The following EXOC6B variants were observed in gnomAD, a reference collection of about 807,000 sequenced individuals.
EXOC6B encodes the protein SEC15 homolog B.
EXOC6B carries 54 observed loss-of-function variants against 113.5 expected under a neutral mutation model. That is an observed-to-expected ratio of 0.48 (90% CI 0.38 to 0.60). The LOEUF (loss-of-function observed/expected upper bound fraction) is 0.60. Ranked by LOEUF, EXOC6B falls within the 20% of genes least tolerant of loss-of-function variation. The pLI is 0.00. For missense variants in EXOC6B, 797 were observed against 977.5 expected, an observed-to-expected ratio of 0.82 and a Z score of 2.46; for synonymous variants, 357 against 339.0, an observed-to-expected ratio of 1.05 and a Z score of -0.58.
At chr2:72,421,363 G>C (rs984684411) in intron 18 of EXOC6B, among the ~76,000 whole-genome samples, 8 of 152,114 alleles carry the variant, frequency 5.3e-5, no homozygotes, top group African/African-American at 1.9e-4. Flanking sequence ...TCCAAATTAG[G>C]TGAGAAGAGT....
chr2:72,515,357 C>T, intron 8 of EXOC6B: 9 of 1,070,288 alleles, frequency 8.4e-6, no homozygotes, highest in Non-Finnish European at 1.1e-5. Context: ...AAGGAACCTA[C>T]CAGAACTTAA....
chr2:72,700,806 C>G (rs1196234170), intron 6 of EXOC6B, among the ~76,000 whole-genome samples: 2 of 152,118 alleles, frequency 1.3e-5, no homozygotes. Flanking sequence ...CAAAAATTAG[C>G]CAGGCATGAT....
At chr2:72,349,319 C>T (rs1018190429) in intron 19 of EXOC6B, among the ~76,000 whole-genome samples, 4 of 152,082 alleles carry the variant, frequency 2.6e-5, no homozygotes, top group African/African-American at 7.2e-5. Context: ...TTATTTATAA[C>T]GAGCTCCTTT....
intron 1 of EXOC6B, among the ~76,000 whole-genome samples, chr2:72,804,494 A>G (rs1338169235): frequency 6.6e-6 from 1 of 152,204 alleles, no homozygotes; most frequent in Non-Finnish European, 1.5e-5. Flanking sequence ...AAACAACAGC[A>G]CCAGAAATAA....
chr2:72,315,052 C>T (rs935098887), intron 20 of EXOC6B, among the ~76,000 whole-genome samples: 5 of 151,988 alleles, frequency 3.3e-5, no homozygotes, highest in Non-Finnish European at 7.4e-5. Context: ...AATTTTGCTT[C>T]GGTTATGGTT....
chr2:72,825,950 C>G lies in EXOC6B; in HGVS notation c.-40G>C. On this transcript the variant is annotated 5_prime_UTR_variant, in exon 1 of 22. Transcript: ENST00000272427. The surrounding 1 kb of genome is among the most constrained non-coding windows in gnomAD (Gnocchi z 4.4). ...CCGCAGCGCGTCCCCTCCGTCGGCTCGGCTCACCTTTTCCCTGCCCCACAA... is the reference window on the plus strand; with the variant it reads ...CCGCAGCGCGTCCCCTCCGTCGGCTGGGCTCACCTTTTCCCTGCCCCACAA... The G allele has an allele frequency of 6.2e-7, 1 of 1,605,274 alleles. No individual in the cohort carries two copies. The highest frequency in any genetic ancestry group is 8.5e-7 in the Non-Finnish European group (1 of 1,178,216).
intron 18 of EXOC6B, among the ~76,000 whole-genome samples, chr2:72,400,641 G>C (rs1693073069): frequency 6.8e-6 from 1 of 146,796 alleles, no homozygotes; most frequent in Non-Finnish European, 1.5e-5. Context: ...GACATGAGCA[G>C]ACAATTCTCA....
intron 6 of EXOC6B, among the ~76,000 whole-genome samples, chr2:72,654,578 T>C (rs906864189): frequency 4.6e-5 from 7 of 152,218 alleles, no homozygotes; most frequent in African/African-American, 1.7e-4. Flanking sequence ...AACAACTAAG[T>C]GTCTTTTTTT....
At chr2:72,548,274 C>T (rs1031616269) in intron 8 of EXOC6B, among the ~76,000 whole-genome samples, 11 of 152,166 alleles carry the variant, frequency 7.2e-5, no homozygotes, top group Non-Finnish European at 1.5e-4. Flanking sequence ...ATCTGACCTC[C>T]TGTTACAATA....
At chr2:72,457,139 A>G (rs1027511204) in intron 18 of EXOC6B, among the ~76,000 whole-genome samples, 4 of 152,054 alleles carry the variant, frequency 2.6e-5, no homozygotes, top group African/African-American at 9.7e-5. Context: ...ACAGAAAGGT[A>G]GTTTAAGGTC....
At chr2:72,658,334 T>C (rs1198299791) in intron 6 of EXOC6B, among the ~76,000 whole-genome samples, 1 of 125,254 alleles carries the variant, frequency 8.0e-6, no homozygotes, top group African/African-American at 2.9e-5. Flanking sequence ...CTTAACAATG[T>C]AACAACCAAA....
At chr2:72,514,824 A>G in intron 9 of EXOC6B, 144 bp from the exon 10 acceptor site, 1 of 648,252 alleles carries the variant, frequency 1.5e-6, no homozygotes, top group Non-Finnish European at 2.7e-6. Context: ...CTACCAATGA[A>G]GAGGAAATAT....
intron 18 of EXOC6B, among the ~76,000 whole-genome samples, chr2:72,438,334 G>A (rs1696000879): frequency 6.6e-6 from 1 of 152,032 alleles, no homozygotes; most frequent in Admixed American, 6.6e-5. Flanking sequence ...AAGTTGGCTG[G>A]GCATAGTGGC....
chr2:72,215,753 T>C (rs1680488408), intron 20 of EXOC6B, among the ~76,000 whole-genome samples: 1 of 152,104 alleles, frequency 6.6e-6, no homozygotes, highest in Non-Finnish European at 1.5e-5. Context: ...ATAGACTTCA[T>C]TGTTCATAAG....
At chr2:72,627,812 C>G (rs1237204439) in intron 6 of EXOC6B, among the ~76,000 whole-genome samples, 4 of 152,212 alleles carry the variant, frequency 2.6e-5, no homozygotes, top group African/African-American at 9.6e-5. Context: ...AGGCAGGACT[C>G]AAACTCCTGG....
intron 20 of EXOC6B, among the ~76,000 whole-genome samples, chr2:72,217,087 A>G (rs1429410599): frequency 2.0e-5 from 3 of 151,802 alleles, no homozygotes; most frequent in Admixed American, 6.6e-5. Flanking sequence ...AGCCTGAACC[A>G]AGGTATTCTC....
intron 20 of EXOC6B, among the ~76,000 whole-genome samples, chr2:72,193,901 GTAAA>G (rs1446880398): frequency 6.6e-6 from 1 of 152,190 alleles, no homozygotes; most frequent in Admixed American, 6.5e-5. Flanking sequence ...ACCACCTGTT[GTAAA>G]TAAAGTTTTG....
chr2:72,589,028 A>G (rs1385258404), intron 6 of EXOC6B, among the ~76,000 whole-genome samples: 2 of 152,028 alleles, frequency 1.3e-5, no homozygotes, highest in Non-Finnish European at 2.9e-5. Flanking sequence ...CTATGAAGAA[A>G]CAAAAGGCAG....
In EXOC6B at chr2:72,201,821, G is replaced by A. The variant is rs547769156; in HGVS notation, c.2197-17634C>T. Among the ~76,000 whole-genome samples the A allele has an allele frequency of 5.9e-5, 9 of 152,280 alleles. No homozygotes were observed. In the East Asian group the frequency reaches 1.7e-3, roughly 29 times the overall value. ...GCTTCCATAGTTATTGTGTGAGGTT[G>A]CAAGTTATTGAATTGAGAGTCCAAG... On this transcript the variant is annotated intron_variant, in intron 20 of 21. Coordinates refer to ENST00000272427, the MANE Select transcript of EXOC6B (RefSeq NM_015189.3).
Sources: gnomAD v4.1 joint callset for allele counts (sites outside exome capture counted in the v4.1 genomes callset) on GRCh38, gnomAD v4.1.1 for gene constraint, Gnocchi (gnomAD v3.1) non-coding constraint, MANE v1.5 for transcripts, NCBI Gene and HGNC (gene_info 2026-07-23, HGNC 2026-07-21) for gene names.